TET3: variants seen among roughly 807,000 people sequenced by gnomAD.
TET3 encodes tet methylcytosine dioxygenase 3.
In TET3, 19 loss-of-function variants were observed where a neutral mutation model predicts 141.4. That is an observed-to-expected ratio of 0.13 (90% CI 0.09 to 0.20). The LOEUF is 0.20. TET3 is among the 10% of genes least tolerant of loss of function. The pLI is 1.00. For synonymous variants in TET3, 1,043 were observed against 980.9 expected, an observed-to-expected ratio of 1.06 and a Z score of -1.18; for missense variants, 1,874 against 2,356.9, an observed-to-expected ratio of 0.80 and a Z score of 4.24.
chr2:74,061,713 C>T lies in TET3; in HGVS notation c.2495-11836C>T, dbSNP rs1211885890. Among the ~76,000 whole-genome samples the T allele has an allele frequency of 1.5e-3, 201 of 137,440 alleles. 1 individual carries two copies. The highest frequency in any genetic ancestry group is 4.5e-3 in the African/African-American group (157 of 34,796). The allele number at this position is 137,440 out of a possible 152,430, so 90.2% of individuals were successfully genotyped here. On this transcript the variant is annotated intron_variant, in intron 4 of 11. Transcript: ENST00000409262. ...CTCACTTCTCAGACGGGGCAGCTGC[C>T]GGGCGGAGGGGCTCCTCACTTCTCA...
At chr2:73,998,988 G>A in intron 2 of TET3, among the ~76,000 whole-genome samples, 1 of 152,164 alleles carries the variant, frequency 6.6e-6, no homozygotes, top group East Asian at 1.9e-4. Context: ...CAGTACCAGG[G>A]GTCAGATGAG....
chr2:74,080,702 G>A (rs1462891404), intron 6 of TET3, 111 bp downstream of exon 6: 1 of 375,584 alleles, frequency 2.7e-6, no homozygotes, highest in Admixed American at 3.7e-5. Context: ...GCGAGGGCGG[G>A]GGGTGGGGCC....
In TET3 at chr2:74,107,992, C is replaced by G. The variant is rs922068251; in HGVS notation, c.*5816C>G. On this transcript the variant is annotated 3_prime_UTR_variant, in exon 12 of 12. Coordinates refer to ENST00000409262, the MANE Select transcript of TET3 (RefSeq NM_001287491.2). Reference sequence around the variant, plus strand: ...CCTGAGCTACCCCTCCTTACCCTCCCTTCTCCCTCAGTGTTTCAGTAAATT... The same window carrying G: ...CCTGAGCTACCCCTCCTTACCCTCCGTTCTCCCTCAGTGTTTCAGTAAATT... 1.3e-5 allele frequency: 2 copies of G among 153,686 alleles called. No homozygotes were observed. The highest frequency in any genetic ancestry group is 1.5e-5 in the Non-Finnish European group (1 of 68,056). 9.5% of individuals were successfully genotyped at this position (153,686 alleles called of 1,614,324 possible).
intron 3 of TET3, among the ~76,000 whole-genome samples, chr2:74,025,995 C>T (rs933060856): frequency 1.3e-5 from 2 of 152,134 alleles, no homozygotes; most frequent in East Asian, 3.8e-4. Flanking sequence ...GACTCCTTGT[C>T]CTCATAGCTC....
chr2:74,046,345 A>G lies in TET3; in HGVS notation c.428A>G (p.His143Arg), dbSNP rs202197044. 181 of 1,527,458 alleles carry G rather than the reference A, an allele frequency of 1.2e-4. No homozygotes were observed. Among genetic ancestry groups the G allele is most frequent in the Non-Finnish European group, 1.5e-4 (174 of 1,141,196 alleles). 94.6% of individuals were successfully genotyped at this position (1,527,458 alleles called of 1,614,324 possible). The change falls in exon 4 of 12, where the codon CAT becomes CGT. Residue 143 changes from histidine (H) to arginine (R), a missense_variant. His to Arg is a conservative substitution (Grantham distance 29). This residue lies in a region of TET3 where 366 missense variants were observed against 487.0 expected (regional missense o/e 0.75). Coordinates refer to ENST00000409262, the MANE Select transcript of TET3 (RefSeq NM_001287491.2). The surrounding 1 kb of genome is among the most constrained non-coding windows in gnomAD (Gnocchi z 4.3). ...PGQMDSGPVY[H>R]GDSRQLSASG... ...CAGATGGACTCAGGGCCAGTGTACC[A>G]TGGGGACTCACGGCAGCTAAGCGCC...
intron 7 of TET3, among the ~76,000 whole-genome samples, chr2:74,088,727 T>A (rs961112798): frequency 3.9e-5 from 6 of 152,144 alleles, no homozygotes; most frequent in African/African-American, 1.4e-4. Context: ...AAATTCATCC[T>A]CTTAGGTATA....
intron 4 of TET3, among the ~76,000 whole-genome samples, chr2:74,051,580 G>T (rs956336099): frequency 2.0e-5 from 3 of 152,180 alleles, no homozygotes; most frequent in Non-Finnish European, 4.4e-5. Flanking sequence ...ATTGGTGAAG[G>T]GTGATAACCC....
chr2:74,120,857 TTCCC>T, the TET3 span: 3 of 152,236 alleles, frequency 2.0e-5, no homozygotes, highest in East Asian at 3.9e-4. Flanking sequence ...AAAACTCTCC[TTCCC>T]TCCCTGTGAA....
rs143863310 is a variant in TET3, at chr2:74,041,847, CTTTAA to C, written c.361-4426_361-4422del. 1.1e-3 allele frequency among the ~76,000 whole-genome samples: 170 copies of C among 152,308 alleles called. 3 individuals are homozygous for C. The East Asian group carries it at 0.028, about 25-fold the overall frequency. ...TGCTGCTATTATGTGCTTCTTCCAT[CTTTAA>C]TTTATTTGCACAGATGTGGCTTGGG... On this transcript the variant is annotated intron_variant, in intron 3 of 11. Coordinates refer to ENST00000409262, the MANE Select transcript of TET3 (RefSeq NM_001287491.2).
intron 3 of TET3, among the ~76,000 whole-genome samples, chr2:74,007,954 A>G (rs1288811743): frequency 2.0e-5 from 3 of 152,222 alleles, no homozygotes; most frequent in African/African-American, 7.2e-5. Context: ...GAGGCGAGCC[A>G]AGTGATCATG....
At chr2:74,124,859 T>C in the TET3 span, among the ~76,000 whole-genome samples, 1 of 147,268 alleles carries the variant, frequency 6.8e-6, no homozygotes, top group Non-Finnish European at 1.5e-5. Flanking sequence ...TGACCTTCCC[T>C]CCACTATTGT....
At chr2:74,048,546 A>G (rs1226798790) in intron 4 of TET3, 135 bp downstream of exon 4, 2 of 979,896 alleles carry the variant, frequency 2.0e-6, no homozygotes, top group African/African-American at 3.3e-5. Context: ...GAACACAGAA[A>G]TGAGCTCATA....
intron 8 of TET3, 48 bp downstream of exon 8, chr2:74,090,095 G>T: frequency 6.2e-7 from 1 of 1,604,212 alleles, no homozygotes. Context: ...TTCTCGCCTG[G>T]CGTCCTTCAT....
At chr2:74,052,598 G>A (rs1333530300) in intron 4 of TET3, among the ~76,000 whole-genome samples, 2 of 150,444 alleles carry the variant, frequency 1.3e-5, no homozygotes, top group African/African-American at 2.4e-5. Flanking sequence ...GGGCCCGGGC[G>A]CTGTGGCTCA....
chr2:74,074,293 T>G (rs907184613), intron 5 of TET3, among the ~76,000 whole-genome samples: 12 of 152,214 alleles, frequency 7.9e-5, no homozygotes, highest in African/African-American at 2.7e-4. Flanking sequence ...CTCTGTCTAC[T>G]AGGGGCACTC....
At position 74,087,533 on chromosome 2, in the gene TET3, C is replaced by G. The variant is rs1286103934; in HGVS notation, c.2680-297C>G. 1.3e-5 allele frequency among the ~76,000 whole-genome samples: 2 copies of G among 152,310 alleles called. No homozygotes were observed. The highest frequency in any genetic ancestry group is 3.9e-4 in the East Asian group (2 of 5,194). ...AATTTTTATCTGTGTATTTTTACTC[C>G]TAAGCCTATGTAAGTCATCAGCAAC... On this transcript the variant is annotated intron_variant, in intron 6 of 11. Coordinates refer to ENST00000409262, the MANE Select transcript of TET3 (RefSeq NM_001287491.2). The surrounding 1 kb of genome is among the most constrained non-coding windows in gnomAD (Gnocchi z 4.3).
intron 2 of TET3, among the ~76,000 whole-genome samples, chr2:73,994,188 ACT>A (rs987695758): frequency 6.6e-6 from 1 of 152,134 alleles, no homozygotes; most frequent in African/African-American, 2.4e-5. Context: ...AATAACTGAA[ACT>A]CTAAAAAAGA....
intron 3 of TET3, among the ~76,000 whole-genome samples, chr2:74,043,925 T>C (rs1687475438): frequency 2.0e-5 from 3 of 152,096 alleles, no homozygotes; most frequent in Admixed American, 6.6e-5. Context: ...TTTAGGAGGC[T>C]AAGGCCAGAG....
intron 2 of TET3, chr2:74,002,589 C>G (rs897226749): frequency 3.0e-6 from 1 of 329,116 alleles, no homozygotes; most frequent in South Asian, 1.6e-4. Context: ...GCCCCCGCCT[C>G]CCGGCTGGGC....
Sources: allele counts gnomAD v4.1 joint callset (sites outside exome capture counted in the v4.1 genomes callset), GRCh38; gene constraint gnomAD v4.1.1; regional missense constraint gnomAD v4.1.1; non-coding constraint Gnocchi (gnomAD v3.1); transcripts MANE v1.5; gene names NCBI Gene and HGNC (gene_info 2026-07-23, HGNC 2026-07-21).